RANGAP1: variants seen among roughly 807,000 people sequenced by gnomAD.
RANGAP1 encodes Ran GTPase activating protein 1.
RANGAP1 carries 38 observed loss-of-function variants against 63.5 expected under a neutral mutation model. That is an observed-to-expected ratio of 0.60 (90% CI 0.46 to 0.78). The LOEUF (loss-of-function observed/expected upper bound fraction) is 0.78. Among genes scored for constraint, RANGAP1 ranks in the 30% least tolerant of loss-of-function variants. RANGAP1 has a pLI of 0.00. For missense variants in RANGAP1, 630 were observed against 740.3 expected (o/e 0.85, Z 1.73); for synonymous variants, 329 against 310.5 (o/e 1.06, Z -0.63).
At chr22:41,280,190 C>G (rs1376393172) in intron 2 of RANGAP1, among the ~76,000 whole-genome samples, 1 of 152,162 alleles carries the variant, frequency 6.6e-6, no homozygotes, top group African/African-American at 2.4e-5. Flanking sequence ...CCCAGCTACC[C>G]AAGGACTCAA....
At chr22:41,292,542 C>G in the RANGAP1 span, among the ~76,000 whole-genome samples, 2 of 151,808 alleles carry the variant, frequency 1.3e-5, no homozygotes, top group Non-Finnish European at 2.9e-5. Context: ...GGGTGGATCA[C>G]GAGCTCAGGA....
In RANGAP1 at chr22:41,254,446, CTCT is replaced by C. The variant is rs763124117; in HGVS notation, c.1119_1121del (p.Glu375del). 7 of 1,610,296 alleles carry C rather than the reference CTCT, an allele frequency of 4.3e-6. No individual in the cohort carries two copies. The East Asian group carries it at 6.7e-5, about 15-fold the overall frequency. On this transcript the variant is annotated inframe_deletion, in exon 11 of 16. Transcript: ENST00000356244. ...CTTCCTCCTCCTCTTCTTCTGCTTC[CTCT>C]TCTTCCTCTTCTCCTTCCTCCTCCT...
intron 1 of RANGAP1, chr22:41,285,397 A>T (rs2035701724): frequency 3.0e-6 from 2 of 669,924 alleles, no homozygotes; most frequent in Non-Finnish European, 1.8e-6. Flanking sequence ...CAGAAACGTA[A>T]ATTGATTTGT....
chr22:41,267,355 G>A (rs1286921416), intron 4 of RANGAP1, among the ~76,000 whole-genome samples: 2 of 152,138 alleles, frequency 1.3e-5, no homozygotes, highest in East Asian at 3.9e-4. Context: ...AAAATAAAAG[G>A]AGGTTGGGCG....
chr22:41,275,446 C>A (rs545744479), intron 2 of RANGAP1, among the ~76,000 whole-genome samples: 1 of 150,840 alleles, frequency 6.6e-6, no homozygotes, highest in Non-Finnish European at 1.5e-5. Flanking sequence ...GAGCCGAGAT[C>A]ATGTCACTGC....
chr22:41,263,362 T>G (rs2034280203), intron 5 of RANGAP1, among the ~76,000 whole-genome samples: 1 of 152,154 alleles, frequency 6.6e-6, no homozygotes, highest in South Asian at 2.1e-4. Context: ...GCAAACGTTT[T>G]TATATGTTTC....
At chr22:41,291,670 G>A in the RANGAP1 span, among the ~76,000 whole-genome samples, 8,315 of 150,604 alleles carry the variant, frequency 0.055, 772 homozygotes, top group African/African-American at 0.19. Flanking sequence ...GGGCCGAGGC[G>A]GGTGGATCAC....
At chr22:41,261,693 CA>C (rs1336518054) in intron 5 of RANGAP1, 113 bp from the exon 6 acceptor site, 1 of 1,307,516 alleles carries the variant, frequency 7.6e-7, no homozygotes, top group Non-Finnish European at 1.1e-6. Flanking sequence ...CGGTGCAGGT[CA>C]GGGGACGCAG....
At chr22:41,252,301 C>CAAAA (rs1381449609) in intron 12 of RANGAP1, among the ~76,000 whole-genome samples, 1 of 151,572 alleles carries the variant, frequency 6.6e-6, no homozygotes, top group Non-Finnish European at 1.5e-5. Context: ...GACTCCATCT[C>CAAAA]AAAAAAATAA....
At chr22:41,248,977 A>G (rs1184013273) in intron 15 of RANGAP1, among the ~76,000 whole-genome samples, 3 of 152,238 alleles carry the variant, frequency 2.0e-5, no homozygotes, top group Non-Finnish European at 4.4e-5. Flanking sequence ...CACCTCGCTC[A>G]GCAGACATGG....
At chr22:41,284,040 A>G (rs1225473617) in intron 1 of RANGAP1, among the ~76,000 whole-genome samples, 6 of 151,462 alleles carry the variant, frequency 4.0e-5, no homozygotes, top group Non-Finnish European at 8.8e-5. Flanking sequence ...CGAGGTCAGG[A>G]GATCGAGACC....
At chr22:41,270,575 G>A (rs2034747629) in intron 3 of RANGAP1, among the ~76,000 whole-genome samples, 1 of 152,182 alleles carries the variant, frequency 6.6e-6, no homozygotes. Flanking sequence ...AACCTCCCAA[G>A]TAGCTGGGAC....
chr22:41,289,084 G>A (rs1400425678), upstream of RANGAP1, among the ~76,000 whole-genome samples: 6 of 151,436 alleles, frequency 4.0e-5, no homozygotes, highest in Non-Finnish European at 2.9e-5. Context: ...CACCACGCCC[G>A]GCTAATTTTT....
chr22:41,270,002 T>G (rs566761848), intron 3 of RANGAP1, among the ~76,000 whole-genome samples: 1 of 151,766 alleles, frequency 6.6e-6, no homozygotes, highest in Admixed American at 6.6e-5. Flanking sequence ...CCCAGCTAAT[T>G]TTTTGTATTT....
chr22:41,264,431 T>C (rs9623366), intron 5 of RANGAP1, among the ~76,000 whole-genome samples: 6,883 of 152,266 alleles, frequency 0.045, 517 homozygotes, highest in African/African-American at 0.16. Context: ...AGGTATGCAG[T>C]GGCACTCCCT....
intron 5 of RANGAP1, among the ~76,000 whole-genome samples, 190 bp from the exon 6 acceptor site, chr22:41,261,770 T>C (rs1204021008): frequency 6.6e-6 from 1 of 151,806 alleles, no homozygotes; most frequent in East Asian, 1.9e-4. Context: ...AAGGTTTTTA[T>C]CTCTAATGCT....
chr22:41,291,609 A>AAAG, the RANGAP1 span, among the ~76,000 whole-genome samples: 1 of 128,368 alleles, frequency 7.8e-6, no homozygotes, highest in South Asian at 2.5e-4. Context: ...AAAAAAAAAA[A>AAAG]AAAAATAGGC....
At chr22:41,262,051 C>A (rs530802770) in intron 5 of RANGAP1, among the ~76,000 whole-genome samples, 1 of 152,332 alleles carries the variant, frequency 6.6e-6, no homozygotes, top group East Asian at 1.9e-4. Flanking sequence ...AAGCCCAAAT[C>A]TTCCAGCTTC....
intron 2 of RANGAP1, among the ~76,000 whole-genome samples, chr22:41,279,000 G>A (rs1359652751): frequency 7.9e-5 from 12 of 152,144 alleles, no homozygotes; most frequent in Non-Finnish European, 1.5e-4. Flanking sequence ...AAAATTAGCC[G>A]GGCGTGGTGG....
Sources: gnomAD v4.1 joint callset for allele counts (sites outside exome capture counted in the v4.1 genomes callset) on GRCh38, gnomAD v4.1.1 for gene constraint, MANE v1.5 for transcripts, NCBI Gene and HGNC (gene_info 2026-07-23, HGNC 2026-07-21) for gene names.